AFG2A: variants seen among roughly 807,000 people sequenced by gnomAD.
AFG2A encodes AAA ATPase AFG2A.
At chr4:123,244,181 T>A in the AFG2A span, among the ~76,000 whole-genome samples, 1 of 151,864 alleles carries the variant, frequency 6.6e-6, no homozygotes, top group African/African-American at 2.4e-5. Context: ...AAAGCAGGAC[T>A]GACGGAACTC....
chr4:123,110,079 G>A, the AFG2A span, among the ~76,000 whole-genome samples: 1 of 152,018 alleles, frequency 6.6e-6, no homozygotes, highest in East Asian at 1.9e-4. Flanking sequence ...GGTGATATGT[G>A]TTTAGTAGAA....
the AFG2A span, among the ~76,000 whole-genome samples, chr4:123,025,922 C>T: frequency 7.2e-5 from 11 of 152,040 alleles, no homozygotes; most frequent in Admixed American, 3.3e-4. Context: ...TGAGTTGTCC[C>T]ATTAAATGGA....
At chr4:123,119,786 G>C in the AFG2A span, among the ~76,000 whole-genome samples, 1 of 152,210 alleles carries the variant, frequency 6.6e-6, no homozygotes, top group Middle Eastern at 3.4e-3. Flanking sequence ...TGCTAATAAA[G>C]ACATACCTGA....
the AFG2A span, chr4:122,935,960 C>T: frequency 1.5e-6 from 2 of 1,319,464 alleles, no homozygotes; most frequent in Non-Finnish European, 2.0e-6. Context: ...TATTTTGCTT[C>T]TTAATAAAAA....
chr4:123,195,486 G>C, the AFG2A span, among the ~76,000 whole-genome samples: 1 of 152,058 alleles, frequency 6.6e-6, no homozygotes, highest in Non-Finnish European at 1.5e-5. Context: ...AGATATTTCA[G>C]AATACAATGG....
At chr4:122,987,069 A>G in the AFG2A span, among the ~76,000 whole-genome samples, 1 of 152,178 alleles carries the variant, frequency 6.6e-6, no homozygotes, top group African/African-American at 2.4e-5. Context: ...TCATTATATA[A>G]TGACCTTGTC....
chr4:123,307,251 C>G, the AFG2A span, among the ~76,000 whole-genome samples: 1 of 152,142 alleles, frequency 6.6e-6, no homozygotes. Flanking sequence ...AGATGATCCT[C>G]CCATCTCAGC....
chr4:123,077,329 G>A, the AFG2A span, among the ~76,000 whole-genome samples: 1 of 152,086 alleles, frequency 6.6e-6, no homozygotes. Context: ...TTACAGGTGT[G>A]AGCCACCGTG....
the AFG2A span, among the ~76,000 whole-genome samples, chr4:122,956,263 TAGG>T: frequency 6.6e-6 from 1 of 152,058 alleles, no homozygotes; most frequent in African/African-American, 2.4e-5. Flanking sequence ...AAGCTTAGAG[TAGG>T]AGTTCTACAG....
the AFG2A span, among the ~76,000 whole-genome samples, chr4:123,129,939 G>A: frequency 3.3e-5 from 5 of 151,854 alleles, no homozygotes; most frequent in South Asian, 2.1e-4. Context: ...GATCATACAC[G>A]TGAGAAACTG....
At chr4:123,154,391 A>G in the AFG2A span, among the ~76,000 whole-genome samples, 4 of 152,326 alleles carry the variant, frequency 2.6e-5, no homozygotes, top group African/African-American at 9.6e-5. Context: ...TCTTAAAGTG[A>G]TAAAATAATA....
At chr4:122,949,729 C>G in the AFG2A span, among the ~76,000 whole-genome samples, 2 of 152,156 alleles carry the variant, frequency 1.3e-5, no homozygotes, top group African/African-American at 4.8e-5. Context: ...TGGACTGGCT[C>G]CCCTCTGTAA....
At chr4:122,956,602 T>C in the AFG2A span, among the ~76,000 whole-genome samples, 6 of 152,206 alleles carry the variant, frequency 3.9e-5, no homozygotes, top group African/African-American at 1.4e-4. Flanking sequence ...AATCTAGCAA[T>C]GAATCAGATT....
chr4:123,211,503 GACCT>G, the AFG2A span, among the ~76,000 whole-genome samples: 3 of 152,264 alleles, frequency 2.0e-5, no homozygotes, highest in East Asian at 5.8e-4. Flanking sequence ...AGATCAGAAA[GACCT>G]ATATTTTATA....
chr4:122,938,365 A>G, the AFG2A span: 1 of 1,182,138 alleles, frequency 8.5e-7, no homozygotes, highest in Admixed American at 3.1e-5. Context: ...AAGGAAAAAT[A>G]TTAGCCATAG....
the AFG2A span, among the ~76,000 whole-genome samples, chr4:123,024,256 A>G: frequency 1.3e-5 from 2 of 150,828 alleles, no homozygotes; most frequent in Non-Finnish European, 3.0e-5. Context: ...CAAAAGAAAA[A>G]ATAAAGCAAC....
chr4:123,182,761 C>A, the AFG2A span, among the ~76,000 whole-genome samples: 1 of 152,050 alleles, frequency 6.6e-6, no homozygotes, highest in South Asian at 2.1e-4. Flanking sequence ...TTTTCTTGAC[C>A]CTTCTTCCCT....
chr4:123,110,219 C>A, the AFG2A span, among the ~76,000 whole-genome samples: 1 of 152,096 alleles, frequency 6.6e-6, no homozygotes, highest in African/African-American at 2.4e-5. Context: ...AGAATAATTT[C>A]TCATAAAAGT....
the AFG2A span, chr4:122,934,658 G>C: frequency 6.2e-7 from 1 of 1,611,972 alleles, no homozygotes. Context: ...GACATGATAG[G>C]AGGATTAAGT....
Sources: allele counts gnomAD v4.1 joint callset (sites outside exome capture counted in the v4.1 genomes callset), GRCh38; gene constraint gnomAD v4.1.1; transcripts MANE v1.5; gene names NCBI Gene and HGNC (gene_info 2026-07-23, HGNC 2026-07-21).